POLR1D: variants seen among roughly 807,000 people sequenced by gnomAD.
The protein encoded by POLR1D is RNA polymerase I and III subunit D, also known as DNA-directed RNA polymerases I and III subunit RPAC2.
POLR1D carries 8 observed loss-of-function variants against 10.8 expected under a neutral mutation model. The ratio of observed to expected loss-of-function variants is 0.74; its 90% confidence interval spans 0.43 to 1.33. The LOEUF (loss-of-function observed/expected upper bound fraction) is 1.33. Among genes scored for constraint, POLR1D ranks in the 40% most tolerant of loss-of-function variants. The pLI is 0.01. For synonymous variants in POLR1D, 54 were observed against 57.2 expected, an observed-to-expected ratio of 0.94 and a Z score of 0.25; for missense variants, 152 against 161.7, an observed-to-expected ratio of 0.94 and a Z score of 0.32.
At chr13:27,634,203 T>A (rs1337930228) in intron 1 of POLR1D, among the ~76,000 whole-genome samples, 1 of 152,252 alleles carries the variant, frequency 6.6e-6, no homozygotes, top group Non-Finnish European at 1.5e-5. Flanking sequence ...GATTGTACTT[T>A]GTCCTTAAAT....
chr13:27,659,845 C>G (rs1037918083), intron 2 of POLR1D, among the ~76,000 whole-genome samples: 3 of 151,608 alleles, frequency 2.0e-5, no homozygotes, highest in African/African-American at 4.9e-5. Flanking sequence ...GACACATAAA[C>G]AGATAGCTTG....
intron 1 of POLR1D, among the ~76,000 whole-genome samples, chr13:27,640,688 A>T (rs1164115777): frequency 6.6e-6 from 1 of 151,982 alleles, no homozygotes; most frequent in East Asian, 1.9e-4. Context: ...TGTGGAACAT[A>T]CAAGAAATTT....
At chr13:27,620,798 C>A (rs534322007), upstream of POLR1D, 1 of 153,782 alleles carries the variant, frequency 6.5e-6, no homozygotes, top group Non-Finnish European at 1.5e-5. Context: ...CCGCCGCCCG[C>A]CTGATTCCCC....
chr13:27,630,517 A>G, intron 1 of POLR1D, among the ~76,000 whole-genome samples: 1 of 152,106 alleles, frequency 6.6e-6, no homozygotes, highest in East Asian at 1.9e-4. Flanking sequence ...CTTTCAAGGC[A>G]GTGTTGTGTA....
At chr13:27,632,023 A>G (rs1173429129) in intron 1 of POLR1D, among the ~76,000 whole-genome samples, 1 of 152,218 alleles carries the variant, frequency 6.6e-6, no homozygotes, top group African/African-American at 2.4e-5. Context: ...AGTAAGCATC[A>G]TAGAGAGCCT....
chr13:27,638,856 G>A (rs1401155440), intron 1 of POLR1D, among the ~76,000 whole-genome samples: 1 of 151,876 alleles, frequency 6.6e-6, no homozygotes, highest in East Asian at 1.9e-4. Context: ...CTGGTATGTG[G>A]TGTGTTTATC....
intron 2 of POLR1D, among the ~76,000 whole-genome samples, chr13:27,659,161 C>G (rs986774598): frequency 6.6e-6 from 1 of 152,162 alleles, no homozygotes; most frequent in Non-Finnish European, 1.5e-5. Context: ...CAGTCTTTAT[C>G]CAGACATGTG....
intron 1 of POLR1D, among the ~76,000 whole-genome samples, chr13:27,644,085 TTCACCA>T (rs1258098532): frequency 6.6e-6 from 1 of 152,184 alleles, no homozygotes; most frequent in Non-Finnish European, 1.5e-5. Context: ...CTAGCTTTCC[TTCACCA>T]TCACAGGAAG....
At chr13:27,641,813 G>A (rs1201421354) in intron 1 of POLR1D, among the ~76,000 whole-genome samples, 1 of 152,114 alleles carries the variant, frequency 6.6e-6, no homozygotes, top group Non-Finnish European at 1.5e-5. Context: ...TGAGTGGAGA[G>A]TGATTTGGAC....
chr13:27,647,146 G>A (rs963825047), intron 1 of POLR1D, among the ~76,000 whole-genome samples: 2 of 151,980 alleles, frequency 1.3e-5, no homozygotes, highest in African/African-American at 4.8e-5. Flanking sequence ...TCATATTCAA[G>A]TCAGGGACGA....
At chr13:27,624,114 C>T (rs1955982445), downstream of POLR1D, among the ~76,000 whole-genome samples, 1 of 152,094 alleles carries the variant, frequency 6.6e-6, no homozygotes, top group African/African-American at 2.4e-5. Context: ...GTGCTCTGTG[C>T]TTTGGGCCCT....
intron 2 of POLR1D, among the ~76,000 whole-genome samples, chr13:27,661,420 C>G (rs76551010): frequency 0.033 from 5,030 of 152,262 alleles, 133 homozygotes; most frequent in Non-Finnish European, 0.054. Flanking sequence ...AAATAACTAG[C>G]CAGGGTGAGA....
At chr13:27,640,246 T>C (rs181106678) in intron 1 of POLR1D, among the ~76,000 whole-genome samples, 4 of 152,252 alleles carry the variant, frequency 2.6e-5, no homozygotes, top group Admixed American at 6.5e-5. Flanking sequence ...ATCACAAATA[T>C]ATAGATGCCT....
intron 1 of POLR1D, among the ~76,000 whole-genome samples, chr13:27,622,604 T>C (rs1334798364): frequency 2.0e-5 from 3 of 152,138 alleles, no homozygotes; most frequent in Non-Finnish European, 4.4e-5. Flanking sequence ...TACCAAAAAA[T>C]ATTTTTGCAA....
intron 1 of POLR1D, among the ~76,000 whole-genome samples, chr13:27,634,959 C>T (rs1283246265): frequency 2.6e-5 from 4 of 152,094 alleles, no homozygotes; most frequent in Non-Finnish European, 5.9e-5. Context: ...AGTCATGAGC[C>T]ACTATGCCTG....
At chr13:27,626,801 A>T (rs1956014907), downstream of POLR1D, among the ~76,000 whole-genome samples, 1 of 152,220 alleles carries the variant, frequency 6.6e-6, no homozygotes. Context: ...CTATTTTCAA[A>T]GTACTTTACA....
At chr13:27,630,113 A>G (rs1221762375) in intron 1 of POLR1D, among the ~76,000 whole-genome samples, 1 of 152,060 alleles carries the variant, frequency 6.6e-6, no homozygotes, top group African/African-American at 2.4e-5. Flanking sequence ...GGGTTTCACC[A>G]TATTGGACAG....
In POLR1D at chr13:27,621,917, C is replaced by T. The variant is rs924858940; in HGVS notation, c.-67C>T. On this transcript the variant is annotated 5_prime_UTR_variant, in exon 1 of 2. Coordinates refer to ENST00000302979, the MANE Select transcript of POLR1D (RefSeq NM_015972.4). ...CCTTGCTTCCTGCTTCGCCTCCGCG[C>T]CTCGCGCTATGGGACAGAGCCCCCG... The T allele has an allele frequency of 2.8e-5, 43 of 1,528,792 alleles. No individual in the cohort carries two copies. Among genetic ancestry groups the T allele is most frequent in the Non-Finnish European group, 3.5e-5 (39 of 1,121,844 alleles). 94.7% of individuals were successfully genotyped at this position (1,528,792 alleles called of 1,614,324 possible). A position where few individuals can be genotyped will look rare whatever the true frequency, so the allele number is the denominator to read the frequency against.
chr13:27,653,813 T>C (rs576284781), intron 2 of POLR1D, among the ~76,000 whole-genome samples: 1 of 152,354 alleles, frequency 6.6e-6, no homozygotes, highest in African/African-American at 2.4e-5. Flanking sequence ...ACCTCTTTGA[T>C]GTCTGGCTTA....
Sources: allele counts gnomAD v4.1 joint callset (sites outside exome capture counted in the v4.1 genomes callset), GRCh38; gene constraint gnomAD v4.1.1; transcripts MANE v1.5; gene names NCBI Gene and HGNC (gene_info 2026-07-23, HGNC 2026-07-21).